The following ARHGAP24 variants were observed in gnomAD, a reference collection of about 807,000 sequenced individuals.
ARHGAP24 encodes the protein Rho GTPase activating protein 24, also known as rho GTPase-activating protein 24.
ARHGAP24 carries 50 observed loss-of-function variants against 76.4 expected under a neutral mutation model. The observed-to-expected ratio is 0.65, with a 90% CI of 0.52 to 0.83. The LOEUF is 0.83. Among genes scored for constraint, ARHGAP24 ranks in the 40% least tolerant of loss-of-function variants. ARHGAP24 has a pLI of 0.00. For missense variants in ARHGAP24, 930 were observed against 914.2 expected (o/e 1.02, Z -0.22); for synonymous variants, 345 against 323.3 (o/e 1.07, Z -0.72).
intron 2 of ARHGAP24, among the ~76,000 whole-genome samples, chr4:85,631,634 A>G (rs769609172): frequency 6.6e-6 from 1 of 152,116 alleles, no homozygotes; most frequent in Non-Finnish European, 1.5e-5. Flanking sequence ...TCATTTTGCT[A>G]TAGATTTCCT....
At chr4:85,591,042 T>TG (rs1560544193) in intron 2 of ARHGAP24, among the ~76,000 whole-genome samples, 1 of 133,794 alleles carries the variant, frequency 7.5e-6, no homozygotes, top group Non-Finnish European at 1.6e-5. Context: ...TTTTTTTTTT[T>TG]TTTTTTTTTT....
intron 6 of ARHGAP24, chr4:85,972,378 T>C: frequency 1.6e-6 from 1 of 622,332 alleles, no homozygotes; most frequent in South Asian, 2.0e-5. Flanking sequence ...TATGGCTGAA[T>C]AAATTAAATC....
chr4:85,745,259 C>T (rs1725982054), intron 3 of ARHGAP24, among the ~76,000 whole-genome samples: 3 of 142,950 alleles, frequency 2.1e-5, no homozygotes, highest in Non-Finnish European at 3.1e-5. Flanking sequence ...GGCAAGATGG[C>T]GAGAGACCCC....
intron 3 of ARHGAP24, among the ~76,000 whole-genome samples, chr4:85,873,123 A>T (rs923553569): frequency 6.6e-6 from 1 of 152,136 alleles, no homozygotes; most frequent in South Asian, 2.1e-4. Context: ...TACTGGCAGC[A>T]TGAGGGAGTC....
chr4:85,975,010 C>T, intron 7 of ARHGAP24, 49 bp downstream of exon 7: 5 of 1,507,992 alleles, frequency 3.3e-6, no homozygotes, highest in Non-Finnish European at 4.6e-6. Context: ...ACATATTTAG[C>T]CTGATACTAA....
At chr4:85,830,547 T>C (rs1178195100) in intron 3 of ARHGAP24, among the ~76,000 whole-genome samples, 1 of 152,226 alleles carries the variant, frequency 6.6e-6, no homozygotes, top group African/African-American at 2.4e-5. Context: ...GCTTATGGGA[T>C]TGGCTTACAG....
At chr4:85,614,154 A>G (rs1720476534) in intron 2 of ARHGAP24, among the ~76,000 whole-genome samples, 1 of 152,220 alleles carries the variant, frequency 6.6e-6, no homozygotes, top group South Asian at 2.1e-4. Flanking sequence ...TGTTCATAAA[A>G]CAGTCTCCAA....
chr4:85,683,176 TAAC>T (rs143312748), intron 2 of ARHGAP24, among the ~76,000 whole-genome samples: 40,328 of 142,050 alleles, frequency 0.28, 6,324 homozygotes, highest in East Asian at 0.6. Flanking sequence ...ATATTGATAA[TAAC>T]AAAAACATGG....
chr4:85,757,497 G>A (rs551015590), intron 3 of ARHGAP24, among the ~76,000 whole-genome samples: 134 of 152,134 alleles, frequency 8.8e-4, no homozygotes, highest in African/African-American at 3.2e-3. Context: ...ATAGTTTGCT[G>A]AGAATGATGG....
chr4:85,578,421 G>C (rs1303475411), intron 2 of ARHGAP24, among the ~76,000 whole-genome samples: 1 of 152,180 alleles, frequency 6.6e-6, no homozygotes, highest in East Asian at 1.9e-4. Flanking sequence ...TGGGCAGAGG[G>C]ATCACAGCAT....
chr4:85,857,520 C>A (rs1212217990), intron 3 of ARHGAP24, among the ~76,000 whole-genome samples: 3 of 152,070 alleles, frequency 2.0e-5, no homozygotes, highest in African/African-American at 7.2e-5. Context: ...TGGTTTCCCC[C>A]AACCCATTTA....
intron 3 of ARHGAP24, among the ~76,000 whole-genome samples, chr4:85,868,535 T>C (rs1732339064): frequency 2.0e-5 from 3 of 152,142 alleles, no homozygotes; most frequent in Admixed American, 1.3e-4. Context: ...TATTGGCCTA[T>C]ACTCTGAACT....
intron 9 of ARHGAP24, among the ~76,000 whole-genome samples, chr4:85,999,268 C>A (rs1022305555): frequency 1.3e-5 from 2 of 152,100 alleles, no homozygotes; most frequent in African/African-American, 2.4e-5. Flanking sequence ...GAGTGGAAAC[C>A]AGCATAGTAC....
At chr4:85,960,583 C>T (rs576658132) in intron 5 of ARHGAP24, among the ~76,000 whole-genome samples, 9 of 151,928 alleles carry the variant, frequency 5.9e-5, no homozygotes, top group African/African-American at 1.2e-4. Context: ...AATAAATATT[C>T]GATGAATAAG....
At chr4:85,926,738 T>C (rs1178754737) in intron 4 of ARHGAP24, among the ~76,000 whole-genome samples, 2 of 151,112 alleles carry the variant, frequency 1.3e-5, no homozygotes, top group East Asian at 1.9e-4. Context: ...TGCAATATTT[T>C]AAAACCACTG....
chr4:85,495,043 C>T (rs556957120), intron 1 of ARHGAP24, among the ~76,000 whole-genome samples: 40 of 145,706 alleles, frequency 2.7e-4, no homozygotes, highest in African/African-American at 1.0e-3. Context: ...TGCAGTGAGC[C>T]GAGATCGCGC....
intron 1 of ARHGAP24, among the ~76,000 whole-genome samples, chr4:85,487,222 A>G (rs1010119319): frequency 1.5e-4 from 20 of 134,104 alleles, no homozygotes; most frequent in Non-Finnish European, 2.5e-4. Flanking sequence ...ATATAAAAAT[A>G]TATATTTATT....
chr4:85,650,306 A>G (rs1248143295), intron 2 of ARHGAP24, among the ~76,000 whole-genome samples: 3 of 149,716 alleles, frequency 2.0e-5, no homozygotes. Context: ...TTATCCAAAG[A>G]CAAGATTATT....
chr4:85,979,034 T>G (rs548331693), intron 8 of ARHGAP24, among the ~76,000 whole-genome samples: 1 of 152,330 alleles, frequency 6.6e-6, no homozygotes, highest in African/African-American at 2.4e-5. Context: ...TTGTAGAGTT[T>G]CCCGTAGTCT....
Sources: allele counts gnomAD v4.1 joint callset (sites outside exome capture counted in the v4.1 genomes callset), GRCh38; gene constraint gnomAD v4.1.1; transcripts MANE v1.5; gene names NCBI Gene and HGNC (gene_info 2026-07-23, HGNC 2026-07-21).